Variants in KDM4C observed in about 807,000 individuals in gnomAD.
KDM4C encodes the protein lysine-specific demethylase 4C.
Under a neutral mutation model 129.3 loss-of-function variants are expected in KDM4C, and 81 were observed. The observed-to-expected ratio is 0.63, with a 90% CI of 0.52 to 0.75. The LOEUF is 0.75. KDM4C is among the 30% of genes least tolerant of loss of function. The pLI is 0.00. For synonymous variants in KDM4C, 573 were observed against 456.1 expected (o/e 1.26, Z -3.26); for missense variants, 1,457 against 1,304.0 (o/e 1.12, Z -1.81).
At chr9:7,124,136 G>A (rs1225800245) in intron 18 of KDM4C, among the ~76,000 whole-genome samples, 1 of 152,114 alleles carries the variant, frequency 6.6e-6, no homozygotes. Flanking sequence ...AGGCTGACGA[G>A]GGTTATGTAA....
chr9:6,854,364 A>G (rs1011463386), intron 5 of KDM4C, among the ~76,000 whole-genome samples: 22 of 152,012 alleles, frequency 1.4e-4, no homozygotes, highest in African/African-American at 4.8e-4. Context: ...CGTCTCTACT[A>G]AAAATACAAA....
chr9:6,850,810 A>C (rs1207738482), intron 5 of KDM4C, among the ~76,000 whole-genome samples: 2 of 151,998 alleles, frequency 1.3e-5, no homozygotes, highest in African/African-American at 4.8e-5. Context: ...GCTGGAGTGC[A>C]GTGGTGCGAT....
intron 1 of KDM4C, among the ~76,000 whole-genome samples, chr9:6,740,147 C>T (rs1485231952): frequency 6.6e-6 from 1 of 152,028 alleles, no homozygotes; most frequent in East Asian, 1.9e-4. Context: ...GCCTTGGCCT[C>T]CCAAAGTGCT....
chr9:6,774,485 C>T (rs200771232), intron 1 of KDM4C, among the ~76,000 whole-genome samples: 16 of 151,898 alleles, frequency 1.1e-4, no homozygotes, highest in Non-Finnish European at 1.5e-4. Context: ...GGCAAAATGG[C>T]GAGACCCTGT....
intron 19 of KDM4C, among the ~76,000 whole-genome samples, chr9:7,144,699 G>A (rs1012967380): frequency 6.6e-6 from 1 of 152,254 alleles, no homozygotes; most frequent in African/African-American, 2.4e-5. Flanking sequence ...AGCACCACCT[G>A]TGTGGTGAAT....
chr9:7,052,018 T>C (rs949717466), intron 17 of KDM4C, among the ~76,000 whole-genome samples: 10 of 152,194 alleles, frequency 6.6e-5, no homozygotes, highest in Non-Finnish European at 1.3e-4. Context: ...TCCACGGGTC[T>C]ACAGCGAAGA....
At chr9:6,922,061 C>T (rs943472256) in intron 8 of KDM4C, among the ~76,000 whole-genome samples, 5 of 152,178 alleles carry the variant, frequency 3.3e-5, no homozygotes, top group Non-Finnish European at 7.3e-5. Flanking sequence ...CACCTGTATG[C>T]CCAGTGCCTA....
chr9:7,024,222 T>C (rs1470584546), intron 15 of KDM4C, among the ~76,000 whole-genome samples: 2 of 151,980 alleles, frequency 1.3e-5, no homozygotes, highest in Non-Finnish European at 2.9e-5. Context: ...TTGCTGAGTG[T>C]GGTGTGTTGA....
At chr9:7,077,025 G>A (rs1834003651) in intron 17 of KDM4C, 8 of 985,304 alleles carry the variant, frequency 8.1e-6, no homozygotes, top group Non-Finnish European at 9.6e-6. Flanking sequence ...CTTCCTTCTT[G>A]CTGCACAACA....
At chr9:6,983,184 A>T (rs569079619) in intron 9 of KDM4C, among the ~76,000 whole-genome samples, 2 of 152,208 alleles carry the variant, frequency 1.3e-5, no homozygotes, top group South Asian at 2.1e-4. Context: ...ATCGCAGGCC[A>T]CCCTATTCTC....
intron 4 of KDM4C, chr9:6,835,098 G>C (rs1206857155): frequency 1.6e-5 from 16 of 1,004,458 alleles, no homozygotes; most frequent in Non-Finnish European, 2.2e-5. Context: ...AGGAGAAGCT[G>C]TGCTATGTTG....
intron 18 of KDM4C, among the ~76,000 whole-genome samples, chr9:7,113,946 C>T (rs1050154692): frequency 1.3e-5 from 2 of 152,090 alleles, no homozygotes; most frequent in African/African-American, 4.8e-5. Context: ...CTGCTTGCCA[C>T]TTAGAACCAT....
chr9:7,093,868 G>A (rs1027651064), intron 17 of KDM4C, among the ~76,000 whole-genome samples: 1 of 152,250 alleles, frequency 6.6e-6, no homozygotes, highest in East Asian at 1.9e-4. Flanking sequence ...TTCATTCCCC[G>A]TGACTGGTAT....
Position 6,984,150 on chromosome 9 carries a change from CT to C in KDM4C, c.1116-14del, listed in dbSNP as rs765744561. The C allele has an allele frequency of 5.1e-6, 8 of 1,560,608 alleles. No individual in the cohort carries two copies. The Admixed American group carries it at 1.2e-4, about 23-fold the overall frequency. ...TGCAGACATCCCGCTCTGACCACTG[CT>C]TCTCTTGTTGACAGCTTCCAGTGTG... is the stretch of plus-strand genomic sequence containing the variant. On this transcript the variant is annotated splice_polypyrimidine_tract_variant and intron_variant, in intron 9 of 21. Coordinates refer to ENST00000381309, the MANE Select transcript of KDM4C (RefSeq NM_015061.6).
chr9:6,817,562 G>A (rs956630542), intron 4 of KDM4C, among the ~76,000 whole-genome samples: 10 of 151,932 alleles, frequency 6.6e-5, no homozygotes, highest in Non-Finnish European at 1.2e-4. Context: ...ATACGTATAT[G>A]TTTGAAATAG....
intron 1 of KDM4C, among the ~76,000 whole-genome samples, chr9:6,726,291 C>G (rs958232443): frequency 2.0e-5 from 3 of 152,216 alleles, no homozygotes; most frequent in Non-Finnish European, 4.4e-5. Context: ...CCGAGATTCT[C>G]TATTTGTCTG....
At chr9:7,100,156 G>T (rs1360336599) in intron 17 of KDM4C, among the ~76,000 whole-genome samples, 2 of 152,128 alleles carry the variant, frequency 1.3e-5, no homozygotes, top group Non-Finnish European at 2.9e-5. Context: ...CAACACTTTG[G>T]AAGGCCAAAG....
chr9:6,757,645 T>C (rs1220178586), upstream of KDM4C: 7 of 985,462 alleles, frequency 7.1e-6, no homozygotes, highest in Admixed American at 1.2e-4. Flanking sequence ...GAGGCCGCCA[T>C]AGGTGCGCGT....
chr9:6,779,994 C>T (rs111972482), intron 1 of KDM4C, among the ~76,000 whole-genome samples: 3 of 152,298 alleles, frequency 2.0e-5, no homozygotes, highest in African/African-American at 4.8e-5. Context: ...TAGCCAGCCA[C>T]CTACAGCTAC....
Sources: gnomAD v4.1 joint callset for allele counts (sites outside exome capture counted in the v4.1 genomes callset) on GRCh38, gnomAD v4.1.1 for gene constraint, MANE v1.5 for transcripts, NCBI Gene and HGNC (gene_info 2026-07-23, HGNC 2026-07-21) for gene names.